Variants in BIRC6 observed in about 807,000 individuals in gnomAD.
The protein encoded by BIRC6 is baculoviral IAP repeat containing 6, also known as dual E2 ubiquitin-conjugating enzyme/E3 ubiquitin-protein ligase BIRC6.
In BIRC6, 98 loss-of-function variants were observed where a neutral mutation model predicts 503.3. The observed-to-expected ratio is 0.19, with a 90% CI of 0.17 to 0.23. BIRC6 has a LOEUF of 0.23. BIRC6 is among the 10% of genes least tolerant of loss of function. BIRC6 has a pLI of 1.00. For synonymous variants in BIRC6, 2,240 were observed against 2,078.7 expected (o/e 1.08, Z -2.11); for missense variants, 5,360 against 5,806.0 (o/e 0.92, Z 2.50).
intron 70 of BIRC6, chr2:32,602,713 T>C (rs1296758491): frequency 3.2e-6 from 1 of 315,116 alleles, no homozygotes; most frequent in Non-Finnish European, 5.7e-6. Flanking sequence ...TATGTGCTAA[T>C]TAAAAATGTT....
At chr2:32,561,068 C>T (rs191417588) in intron 65 of BIRC6, among the ~76,000 whole-genome samples, 2,459 of 151,360 alleles carry the variant, frequency 0.016, 49 homozygotes, top group African/African-American at 0.057. Context: ...CGTGGTGGCA[C>T]GTGCCTGTAG....
At chr2:32,489,939 T>C in intron 42 of BIRC6, 102 bp from the exon 43 acceptor site, 1 of 788,894 alleles carries the variant, frequency 1.3e-6, no homozygotes, top group Non-Finnish European at 2.1e-6. Context: ...AAGGAGCGGA[T>C]TTAAAGAAAT....
chr2:32,374,814 C>T (rs1481616619), intron 1 of BIRC6, among the ~76,000 whole-genome samples: 1 of 152,138 alleles, frequency 6.6e-6, no homozygotes, highest in Non-Finnish European at 1.5e-5. Flanking sequence ...GGGTCTGTCT[C>T]AGGCTGGTCT....
intron 10 of BIRC6, among the ~76,000 whole-genome samples, chr2:32,427,798 C>G (rs1030891296): frequency 6.6e-6 from 1 of 151,724 alleles, no homozygotes; most frequent in Non-Finnish European, 1.5e-5. Context: ...CTTTGCATGT[C>G]TTGTAATGTT....
At chr2:32,589,696 T>G (rs2061287803) in intron 66 of BIRC6, among the ~76,000 whole-genome samples, 2 of 152,210 alleles carry the variant, frequency 1.3e-5, no homozygotes, top group African/African-American at 4.8e-5. Context: ...AGGCAAATAT[T>G]TATTTTAACA....
Position 32,380,140 on chromosome 2 carries a change from A to T in BIRC6, c.508-13A>T, listed in dbSNP as rs2037417023. ...ATTTTCTGTGATTTTTTTATTTTTTATTTTTTATTTAGGCACAGCAGCTCT... is the reference window on the plus strand; with the variant it reads ...ATTTTCTGTGATTTTTTTATTTTTTTTTTTTTATTTAGGCACAGCAGCTCT... On this transcript the variant is annotated splice_polypyrimidine_tract_variant and intron_variant, in intron 2 of 73. Transcript: ENST00000421745. 2.7e-6 allele frequency: 4 copies of T among 1,469,298 alleles called. No individual in the cohort carries two copies. The highest frequency in any genetic ancestry group is 1.4e-5 in the South Asian group (1 of 71,748). 91.0% of individuals were successfully genotyped at this position (1,469,298 alleles called of 1,614,324 possible).
intron 3 of BIRC6, among the ~76,000 whole-genome samples, chr2:32,388,380 C>CAAAA (rs560533546): frequency 1.1e-5 from 1 of 94,462 alleles, no homozygotes. Flanking sequence ...GACTCCGTCT[C>CAAAA]AAAAAAAAAA....
intron 45 of BIRC6, among the ~76,000 whole-genome samples, chr2:32,498,193 C>T (rs2052717862): frequency 6.6e-6 from 1 of 152,096 alleles, no homozygotes; most frequent in South Asian, 2.1e-4. Context: ...TGCCGAATAG[C>T]TGGGATTACA....
intron 61 of BIRC6, among the ~76,000 whole-genome samples, chr2:32,534,802 C>G (rs1572868281): frequency 8.2e-6 from 1 of 121,916 alleles, no homozygotes; most frequent in African/African-American, 3.1e-5. Context: ...ATGAGAAGAA[C>G]ATAAGAGCTG....
chr2:32,525,055 T>C, intron 58 of BIRC6, 36 bp downstream of exon 58: 1 of 1,432,938 alleles, frequency 7.0e-7, no homozygotes, highest in Non-Finnish European at 9.1e-7. Flanking sequence ...TGATTTTGTT[T>C]GGGTTTCTAT....
intron 1 of BIRC6, among the ~76,000 whole-genome samples, chr2:32,358,851 A>G (rs1242759775): frequency 6.6e-6 from 1 of 152,188 alleles, no homozygotes; most frequent in Non-Finnish European, 1.5e-5. Context: ...GGCTTAGGTA[A>G]ATGATGGGGT....
intron 50 of BIRC6, among the ~76,000 whole-genome samples, chr2:32,506,917 A>T (rs1291762574): frequency 2.0e-5 from 3 of 152,090 alleles, no homozygotes; most frequent in Non-Finnish European, 4.4e-5. Context: ...AATTAACTTG[A>T]CTGTCTAGTA....
At chr2:32,483,061 G>T (rs527717938) in intron 39 of BIRC6, among the ~76,000 whole-genome samples, 49 of 151,034 alleles carry the variant, frequency 3.2e-4, no homozygotes, top group African/African-American at 1.2e-3. Context: ...GGGAGTATAG[G>T]TGCATGCCAC....
At position 32,549,395 on chromosome 2, in the gene BIRC6, G is replaced by T; in HGVS notation, c.13058G>T (p.Ser4353Ile). ...TCTCATGAGACTAGAGGGCAGAACA[G>T]TAATGCCCTTCCTTCTGTACTTCTC... Reference protein sequence around the residue: ...QSSHETRGQNSNALPSVLLEL... With the variant: ...QSSHETRGQNINALPSVLLEL... Residue 4353 changes from serine (S) to isoleucine (I), a missense_variant, in exon 65 of 74, where the codon AGT (serine) becomes ATT (isoleucine). By Grantham distance (142) the Ser-to-Ile change is moderately radical. Transcript: ENST00000421745. The T allele has an allele frequency of 6.6e-7, 1 of 1,521,504 alleles. No individual in the cohort carries two copies. The highest frequency in any genetic ancestry group is 1.3e-5 in the South Asian group (1 of 77,616). 94.3% of individuals were successfully genotyped at this position (1,521,504 alleles called of 1,614,324 possible).
rs529328794 is a variant in BIRC6, at chr2:32,361,226, C to T, written c.325+3740C>T. Reference sequence around the variant, plus strand: ...TTGGGATTACAGGTTTGGGCCACCGCGCCCAGCCCTAATATATACAGTATA... The same window carrying T: ...TTGGGATTACAGGTTTGGGCCACCGTGCCCAGCCCTAATATATACAGTATA... On this transcript the variant is annotated intron_variant, in intron 1 of 73. Transcript: ENST00000421745. Among the ~76,000 whole-genome samples, 8 of 152,262 alleles carry T rather than the reference C, an allele frequency of 5.3e-5. No homozygotes were observed. In the East Asian group the frequency reaches 5.8e-4, roughly 11 times the overall value.
rs1400105932 is a variant in BIRC6, at chr2:32,499,529, C to G, written c.8469-18C>G. 4 of 1,529,166 alleles carry G rather than the reference C, an allele frequency of 2.6e-6. No homozygotes were observed. Among genetic ancestry groups the G allele is most frequent in the East Asian group, 4.6e-5 (2 of 43,718 alleles). The allele number at this position is 1,529,166 out of a possible 1,614,324, so 94.7% of individuals were successfully genotyped here. A position where few individuals can be genotyped will look rare whatever the true frequency, so the allele number is the denominator to read the frequency against. On this transcript the variant is annotated intron_variant, in intron 45 of 73. Transcript: ENST00000421745. ...TCTCTCTCTCTCTTTTTCTGTCTCT[C>G]TCTCTCTCTCTCTGCAGGGGTGCTT... is the stretch of plus-strand genomic sequence containing the variant.
chr2:32,481,400 G>T lies in BIRC6; in HGVS notation c.7489G>T (p.Asp2497Tyr), dbSNP rs758891743. 5 of 1,612,088 alleles carry T rather than the reference G, an allele frequency of 3.1e-6. No homozygotes were observed. The highest frequency in any genetic ancestry group is 4.2e-6 in the Non-Finnish European group (5 of 1,178,896). ...LLQDLMEVDI[D>Y]PLDIDLEKDP... ...TCAGGATCTAATGGAAGTTGACATTGATCCTTTAGATATTGATTTGGAAAA... is the reference window on the plus strand; with the variant it reads ...TCAGGATCTAATGGAAGTTGACATTTATCCTTTAGATATTGATTTGGAAAA... Residue 2497 changes from aspartate to tyrosine, a missense_variant, in exon 38 of 74, where the codon GAT becomes TAT. Coordinates refer to ENST00000421745, the MANE Select transcript of BIRC6 (RefSeq NM_016252.4).
At chr2:32,463,689 T>A (rs915960434) in intron 24 of BIRC6, among the ~76,000 whole-genome samples, 5 of 152,240 alleles carry the variant, frequency 3.3e-5, no homozygotes, top group African/African-American at 1.2e-4. Flanking sequence ...ATATGGAGTA[T>A]AGTTCCTAAA....
chr2:32,383,042 T>G (rs768263131), intron 3 of BIRC6, among the ~76,000 whole-genome samples: 8 of 151,496 alleles, frequency 5.3e-5, no homozygotes, highest in Non-Finnish European at 8.8e-5. Flanking sequence ...TTTATTTAAT[T>G]TTTTAATTTA....
Sources: allele counts gnomAD v4.1 joint callset (sites outside exome capture counted in the v4.1 genomes callset), GRCh38; gene constraint gnomAD v4.1.1; transcripts MANE v1.5; gene names NCBI Gene and HGNC (gene_info 2026-07-23, HGNC 2026-07-21).